Variants in ARID1B observed in about 807,000 individuals in gnomAD.
ARID1B encodes the protein AT-rich interaction domain 1B.
A neutral mutation model predicts 212.3 loss-of-function variants in ARID1B; 30 were observed. The ratio of observed to expected loss-of-function variants is 0.14; its 90% CI spans 0.11 to 0.19. ARID1B has a LOEUF of 0.19. Among genes scored for constraint, ARID1B ranks in the 10% least tolerant of loss-of-function variants. The probability of loss-of-function intolerance (pLI) is 1.00; values close to 1 mark genes in which losing one functional copy is unlikely to be tolerated. For missense variants in ARID1B, 2,891 were observed against 3,204.0 expected (o/e 0.90, Z 2.36); for synonymous variants, 1,402 against 1,301.7 (o/e 1.08, Z -1.66).
At chr6:157,076,743 T>C (rs1784337393) in intron 4 of ARID1B, among the ~76,000 whole-genome samples, 1 of 152,158 alleles carries the variant, frequency 6.6e-6, no homozygotes, top group African/African-American at 2.4e-5. Flanking sequence ...ATCTTATATA[T>C]TTACAGGTCT....
At chr6:156,818,008 G>T (rs1394083630) in intron 1 of ARID1B, among the ~76,000 whole-genome samples, 1 of 148,270 alleles carries the variant, frequency 6.7e-6, no homozygotes, top group Non-Finnish European at 1.5e-5. Flanking sequence ...TTCTAATTTT[G>T]TCTGTTGTCC....
chr6:157,014,510 T>A (rs1885626), intron 4 of ARID1B, among the ~76,000 whole-genome samples: 73,311 of 151,988 alleles, frequency 0.48, 17,978 homozygotes, highest in East Asian at 0.66. Flanking sequence ...GGGTCCTGCT[T>A]TGAAAGTGAT....
At chr6:157,099,176 G>A (rs1020559667) in intron 5 of ARID1B, among the ~76,000 whole-genome samples, 4 of 152,142 alleles carry the variant, frequency 2.6e-5, no homozygotes, top group African/African-American at 9.7e-5. Context: ...TCGAACTCCT[G>A]ACCTCAAGCA....
intron 1 of ARID1B, among the ~76,000 whole-genome samples, chr6:156,794,402 A>G (rs2115242330): frequency 6.6e-6 from 1 of 151,842 alleles, no homozygotes; most frequent in South Asian, 2.1e-4. Context: ...GGCGCATGCT[A>G]CAATGCCCAG....
chr6:157,085,195 G>A (rs1452154574), intron 5 of ARID1B, among the ~76,000 whole-genome samples: 2 of 152,116 alleles, frequency 1.3e-5, no homozygotes, highest in East Asian at 3.8e-4. Flanking sequence ...CATATGTTTT[G>A]TAATGATTCT....
chr6:156,928,489 C>A (rs1372945383), intron 3 of ARID1B, among the ~76,000 whole-genome samples: 1 of 152,084 alleles, frequency 6.6e-6, no homozygotes, highest in Admixed American at 6.6e-5. Context: ...TTGGGAGAGT[C>A]ATTTCTTGAC....
At chr6:157,166,045 C>T (rs1254033294) in intron 8 of ARID1B, 1 of 151,998 alleles carries the variant, frequency 6.6e-6, no homozygotes, top group East Asian at 1.9e-4. Flanking sequence ...ACATGAGTAG[C>T]CAAAACTTTG....
intron 16 of ARID1B, among the ~76,000 whole-genome samples, chr6:157,197,516 A>G (rs770363793): frequency 1.3e-5 from 2 of 152,210 alleles, no homozygotes; most frequent in African/African-American, 2.4e-5. Context: ...AGTCCATCCC[A>G]TGTTTAAGGA....
At chr6:156,806,150 A>G (rs1781138320) in intron 1 of ARID1B, among the ~76,000 whole-genome samples, 1 of 152,220 alleles carries the variant, frequency 6.6e-6, no homozygotes, top group African/African-American at 2.4e-5. Flanking sequence ...TTTCTTGTCC[A>G]TAAAATGGGG....
chr6:156,929,955 C>CG (rs1791565965), intron 3 of ARID1B, among the ~76,000 whole-genome samples: 1 of 152,020 alleles, frequency 6.6e-6, no homozygotes, highest in Non-Finnish European at 1.5e-5. Context: ...TCCCACTCAT[C>CG]CCCTGCTCTG....
In ARID1B at chr6:156,883,204, C is replaced by T. The variant is rs74941431; in HGVS notation, c.1987-18172C>T. On this transcript the variant is annotated intron_variant, in intron 2 of 19. Transcript: ENST00000636930. ...TGCAGATTCTCAATTATATGTTAAC[C>T]GTCTTTATTCTTGGTAGCATTATTG... 2.1e-3 allele frequency among the ~76,000 whole-genome samples: 323 copies of T among 152,266 alleles called. 1 individual carries two copies. Among genetic ancestry groups the T allele is most frequent in the African/African-American group, 6.8e-3 (284 of 41,550 alleles).
At chr6:156,817,040 G>T (rs1583094812) in intron 1 of ARID1B, among the ~76,000 whole-genome samples, 1 of 150,090 alleles carries the variant, frequency 6.7e-6, no homozygotes, top group Admixed American at 6.7e-5. Flanking sequence ...ATTATCGCAC[G>T]TTAGAACAAT....
intron 13 of ARID1B, among the ~76,000 whole-genome samples, chr6:157,189,366 T>C (rs191202920): frequency 7.6e-4 from 116 of 152,354 alleles, no homozygotes; most frequent in African/African-American, 2.7e-3. Flanking sequence ...AGAAAATAAG[T>C]ATCCAGTCAA....
In ARID1B at chr6:157,206,623, G is replaced by A. The variant is rs1451259945; in HGVS notation, c.5851G>A (p.Glu1951Lys). 14 of 1,613,750 alleles carry A rather than the reference G, an allele frequency of 8.7e-6. No individual in the cohort carries two copies. The highest frequency in any genetic ancestry group is 2.2e-5 in the East Asian group (1 of 44,870). ...HWQLGGGDTTEHIQTHFESKM... is the reference protein window; with the variant it reads ...HWQLGGGDTTKHIQTHFESKM... ...GCAGCTCGGCGGGGGTGACACCACC[G>A]AGCACATTCAGACTCACTTTGAGAG... Residue 1951 changes from glutamate to lysine, a missense_variant, in exon 20 of 20, where the codon GAG (glutamate) becomes AAG (lysine). Coordinates refer to ENST00000636930, the MANE Select transcript of ARID1B (RefSeq NM_001374828.1). This position sits in a 1 kb window ranked among gnomAD's most constrained non-coding sequence, Gnocchi z 6.8.
intron 11 of ARID1B, among the ~76,000 whole-genome samples, chr6:157,180,096 T>C (rs1174844208): frequency 6.6e-6 from 1 of 152,110 alleles, no homozygotes. Context: ...TTTTTACAAA[T>C]ACAGAGATAT....
intron 2 of ARID1B, among the ~76,000 whole-genome samples, chr6:156,876,012 A>G (rs1196294119): frequency 1.3e-5 from 2 of 152,188 alleles, no homozygotes; most frequent in Non-Finnish European, 2.9e-5. Context: ...TCCAAATTAT[A>G]TGGGTATTTT....
chr6:157,004,571 C>G (rs1450411733), intron 4 of ARID1B, among the ~76,000 whole-genome samples: 1 of 152,130 alleles, frequency 6.6e-6, no homozygotes, highest in Admixed American at 6.5e-5. Context: ...TTAAAACATA[C>G]ATTGTAATTC....
chr6:156,902,768 A>C (rs532506702), intron 3 of ARID1B, among the ~76,000 whole-genome samples: 1 of 149,744 alleles, frequency 6.7e-6, no homozygotes, highest in East Asian at 1.9e-4. Context: ...AAAAAGTAAC[A>C]TCTGTGGGGT....
At chr6:156,861,465 G>T (rs897573506) in intron 2 of ARID1B, among the ~76,000 whole-genome samples, 3 of 152,054 alleles carry the variant, frequency 2.0e-5, no homozygotes, top group African/African-American at 7.2e-5. Flanking sequence ...AAAAAAATTA[G>T]CCAGGCATGG....
Sources: gnomAD v4.1 joint callset for allele counts (sites outside exome capture counted in the v4.1 genomes callset) on GRCh38, gnomAD v4.1.1 for gene constraint, Gnocchi (gnomAD v3.1) non-coding constraint, MANE v1.5 for transcripts, NCBI Gene and HGNC (gene_info 2026-07-23, HGNC 2026-07-21) for gene names.